The following NTF3 variants were observed in gnomAD, a reference collection of about 807,000 sequenced individuals.
NTF3 encodes the protein neurotrophin-3.
NTF3 carries 8 observed loss-of-function variants against 26.3 expected under a neutral mutation model. The observed-to-expected ratio is 0.30, with a 90% CI of 0.18 to 0.55. The LOEUF is 0.55. NTF3 is among the 20% of genes least tolerant of loss of function. The pLI is 0.93. For missense variants in NTF3, 276 were observed against 352.9 expected (o/e 0.78, Z 1.75); for synonymous variants, 154 against 145.5 (o/e 1.06, Z -0.42).
rs57075143 is a variant in NTF3, at chr12:5,432,556, T to TACACACAC, written c.18+258_18+265dup. Among the ~76,000 whole-genome samples the TACACACAC allele has an allele frequency of 3.4e-4, 42 of 124,066 alleles. 1 individual carries two copies. Among genetic ancestry groups the TACACACAC allele is most frequent in the South Asian group, 6.2e-4 (2 of 3,230 alleles). 81.4% of individuals were successfully genotyped at this position (124,066 alleles called of 152,430 possible). A position where few individuals can be genotyped will look rare whatever the true frequency, so the allele number is the denominator to read the frequency against. On this transcript the variant is annotated intron_variant, in intron 1 of 1. Coordinates refer to ENST00000423158, the MANE Select transcript of NTF3 (RefSeq NM_001102654.2). ...CGAAGCGCAACCGCAGCCACCCCGC[T>TACACACAC]ACACACACACACACACACACACACA...
chr12:5,483,199 A>ATCTC (rs144003087), intron 1 of NTF3, among the ~76,000 whole-genome samples: 295 of 134,508 alleles, frequency 2.2e-3, no homozygotes, highest in Admixed American at 7.1e-3. Flanking sequence ...CTCTCTTTCT[A>ATCTC]TCTCTCTCTC....
At chr12:5,475,854 A>AAG (rs71064158) in intron 1 of NTF3, among the ~76,000 whole-genome samples, 30,680 of 146,582 alleles carry the variant, frequency 0.21, 3,239 homozygotes, top group South Asian at 0.29. Context: ...AAAAAGAAGA[A>AAG]AGAGAGAGAG....
intron 1 of NTF3, among the ~76,000 whole-genome samples, chr12:5,483,706 G>GAATT: frequency 6.6e-6 from 1 of 152,342 alleles, no homozygotes; most frequent in Admixed American, 6.5e-5. Context: ...GGTCTTTGAG[G>GAATT]AATTGCTTAG....
intron 1 of NTF3, among the ~76,000 whole-genome samples, chr12:5,477,986 T>A (rs11063699): frequency 6.6e-6 from 1 of 152,166 alleles, no homozygotes; most frequent in South Asian, 2.1e-4. Flanking sequence ...TGGTGACTGC[T>A]TTCGTCTCAA....
At chr12:5,486,880 GGTGTGTGTGTGTGTGT>G (rs10527557) in intron 1 of NTF3, among the ~76,000 whole-genome samples, 1 of 148,700 alleles carries the variant, frequency 6.7e-6, no homozygotes, top group South Asian at 2.2e-4. Context: ...GTAGTTACGT[GGTGTGTGTGTGTGTGT>G]GTGTGTGTGT....
intron 1 of NTF3, among the ~76,000 whole-genome samples, chr12:5,470,974 T>A (rs1450653740): frequency 6.6e-6 from 1 of 151,378 alleles, no homozygotes. Context: ...TGCTTTGAGC[T>A]CCTTTCCTTC....
chr12:5,464,199 A>G (rs977530559), intron 1 of NTF3, among the ~76,000 whole-genome samples: 7 of 152,210 alleles, frequency 4.6e-5, no homozygotes, highest in South Asian at 2.1e-4. Context: ...AGCTCAGTTC[A>G]GCAAACACTT....
chr12:5,463,652 A>G (rs937388501), intron 1 of NTF3, among the ~76,000 whole-genome samples: 1 of 152,206 alleles, frequency 6.6e-6, no homozygotes. Flanking sequence ...ATGTGGCCTA[A>G]GAAGAAGGAC....
At chr12:5,464,860 A>T (rs1209272337) in intron 1 of NTF3, among the ~76,000 whole-genome samples, 1 of 152,164 alleles carries the variant, frequency 6.6e-6, no homozygotes, top group Non-Finnish European at 1.5e-5. Flanking sequence ...AGAGATGAAG[A>T]ATATAAGCCG....
Position 5,495,272 on chromosome 12 carries a change from T to C in NTF3, c.*284T>C. 1 of 374,296 alleles carries C rather than the reference T, an allele frequency of 2.7e-6. No individual in the cohort carries two copies. The highest frequency in any genetic ancestry group is 5.8e-5 in the East Asian group (1 of 17,376). 23.2% of individuals were successfully genotyped at this position (374,296 alleles called of 1,614,324 possible). On this transcript the variant is annotated 3_prime_UTR_variant, in exon 2 of 2. Coordinates refer to ENST00000423158, the MANE Select transcript of NTF3 (RefSeq NM_001102654.2). ...CATTCAGTATTGTCAAGGCCATGAC[T>C]GTTGTTTTAGTAAACTTGTTAAAAT...
rs1240328622 is a variant in NTF3, at chr12:5,494,985, A to C, written c.810A>C (p.Thr270=). ...CCTTGTCGAGAAAAATCGGAAGAAC[A>C]TGAATTGGCATCTCTCCCCATATAT... The part of the protein sequence containing the change: ...VCALSRKIGR[T] The change falls in exon 2 of 2, where the codon ACA becomes ACC. Residue 270 remains threonine (T), a synonymous_variant. Transcript: ENST00000423158. This position sits in a 1 kb window ranked among gnomAD's most constrained non-coding sequence, Gnocchi z 8.3. The C allele has an allele frequency of 6.2e-7, 1 of 1,613,492 alleles. No individual in the cohort carries two copies. Among genetic ancestry groups the C allele is most frequent in the Admixed American group, 1.7e-5 (1 of 59,972 alleles).
At chr12:5,434,662 A>C (rs1940145084) in intron 1 of NTF3, among the ~76,000 whole-genome samples, 1 of 152,052 alleles carries the variant, frequency 6.6e-6, no homozygotes, top group Non-Finnish European at 1.5e-5. Context: ...TGTGCCTATG[A>C]AGGGTGTCAG....
At chr12:5,438,308 G>A (rs561659157) in intron 1 of NTF3, among the ~76,000 whole-genome samples, 2 of 152,256 alleles carry the variant, frequency 1.3e-5, no homozygotes, top group Non-Finnish European at 2.9e-5. Context: ...GAGGCTAGAG[G>A]TTGCACACAC....
rs145538801 is a variant in NTF3, at chr12:5,470,645, G to A, written c.19-23549G>A. Among the ~76,000 whole-genome samples, 7 of 152,288 alleles carry A rather than the reference G, an allele frequency of 4.6e-5. No homozygotes were observed. In the East Asian group the frequency reaches 1.4e-3, roughly 29 times the overall value. Reference sequence around the variant, plus strand: ...CTTCATTTCCTGTCCCTGGGTGAGCGTGCCCCCTGCCTTCTCCCAGATCTC... The same window carrying A: ...CTTCATTTCCTGTCCCTGGGTGAGCATGCCCCCTGCCTTCTCCCAGATCTC... On this transcript the variant is annotated intron_variant, in intron 1 of 1. Coordinates refer to ENST00000423158, the MANE Select transcript of NTF3 (RefSeq NM_001102654.2).
At chr12:5,475,562 T>C (rs1031898541) in intron 1 of NTF3, among the ~76,000 whole-genome samples, 4 of 151,746 alleles carry the variant, frequency 2.6e-5, no homozygotes, top group Non-Finnish European at 4.4e-5. Context: ...GGGCCAGGCA[T>C]GGTGGCTCAC....
chr12:5,481,127 C>T (rs908649733), intron 1 of NTF3, among the ~76,000 whole-genome samples: 11 of 151,996 alleles, frequency 7.2e-5, no homozygotes, highest in African/African-American at 2.4e-4. Context: ...GGCTTTAGAC[C>T]CCTGTGGACT....
At chr12:5,454,061 G>C (rs115437308) in intron 1 of NTF3, among the ~76,000 whole-genome samples, 2,337 of 152,296 alleles carry the variant, frequency 0.015, 79 homozygotes, top group African/African-American at 0.053. Context: ...CCGTAACAAA[G>C]CACCACAAAT....
intron 1 of NTF3, among the ~76,000 whole-genome samples, chr12:5,478,696 T>C (rs1940753149): frequency 6.6e-6 from 1 of 152,258 alleles, no homozygotes; most frequent in South Asian, 2.1e-4. Context: ...CTAGAAACAC[T>C]ACAGCATTTT....
chr12:5,491,891 A>AT (rs995274401), intron 1 of NTF3, among the ~76,000 whole-genome samples: 22 of 148,430 alleles, frequency 1.5e-4, no homozygotes, highest in African/African-American at 4.0e-4. Context: ...TAATTTTTGT[A>AT]TTTTTTTTTA....
Sources: gnomAD v4.1 joint callset for allele counts (sites outside exome capture counted in the v4.1 genomes callset) on GRCh38, gnomAD v4.1.1 for gene constraint, Gnocchi (gnomAD v3.1) non-coding constraint, MANE v1.5 for transcripts, NCBI Gene and HGNC (gene_info 2026-07-23, HGNC 2026-07-21) for gene names.